Variants in NAV3 observed in about 807,000 individuals in gnomAD.
NAV3 encodes the protein neuron navigator 3, also known as pore membrane and/or filament interacting like protein 1.
Under a neutral mutation model 244.7 loss-of-function variants are expected in NAV3, and 87 were observed. The observed-to-expected ratio is 0.36, with a 90% confidence interval of 0.30 to 0.42. The LOEUF is 0.42. NAV3 is among the 20% of genes least tolerant of loss of function. NAV3 has a pLI of 1.00. For synonymous variants in NAV3, 1,126 were observed against 1,042.2 expected (o/e 1.08, Z -1.55); for missense variants, 2,663 against 2,893.3 (o/e 0.92, Z 1.83).
intron 3 of NAV3, among the ~76,000 whole-genome samples, chr12:77,951,327 C>T (rs370089225): frequency 1.3e-5 from 2 of 152,236 alleles, no homozygotes; most frequent in African/African-American, 2.4e-5. Context: ...AAATGTTCAT[C>T]GTCACTGGCC....
intron 29 of NAV3, among the ~76,000 whole-genome samples, chr12:78,180,340 C>G (rs186593982): frequency 6.6e-6 from 1 of 151,990 alleles, no homozygotes; most frequent in Admixed American, 6.6e-5. Context: ...CATCTAAAGA[C>G]TTTTGTTGTT....
intron 2 of NAV3, among the ~76,000 whole-genome samples, chr12:77,777,618 A>G (rs1488960023): frequency 2.6e-5 from 4 of 152,154 alleles, no homozygotes; most frequent in Non-Finnish European, 4.4e-5. Context: ...GAGATTGACC[A>G]TGGATAACTG....
intron 12 of NAV3, among the ~76,000 whole-genome samples, chr12:78,083,745 C>T (rs918296513): frequency 2.0e-5 from 3 of 152,204 alleles, no homozygotes; most frequent in East Asian, 1.9e-4. Flanking sequence ...TTTTCCAGTT[C>T]GCTTCCTTTC....
intron 7 of NAV3, among the ~76,000 whole-genome samples, chr12:78,002,888 G>C (rs1873547363): frequency 6.6e-6 from 1 of 151,570 alleles, no homozygotes; most frequent in Non-Finnish European, 1.5e-5. Flanking sequence ...AGACTAAATA[G>C]ACTTGGCCAT....
chr12:77,657,864 T>C (rs1182419321), intron 2 of NAV3, among the ~76,000 whole-genome samples: 1 of 152,188 alleles, frequency 6.6e-6, no homozygotes, highest in Non-Finnish European at 1.5e-5. Flanking sequence ...AACCACATGA[T>C]TATCTCACTA....
intron 2 of NAV3, among the ~76,000 whole-genome samples, chr12:77,719,807 C>G (rs1242900316): frequency 6.6e-6 from 1 of 152,066 alleles, no homozygotes; most frequent in African/African-American, 2.4e-5. Context: ...TACTGGCTTC[C>G]TAAAATGAGT....
intron 2 of NAV3, among the ~76,000 whole-genome samples, chr12:77,813,244 C>T (rs1227259099): frequency 6.6e-6 from 1 of 152,126 alleles, no homozygotes; most frequent in African/African-American, 2.4e-5. Flanking sequence ...CTCAGCTCAA[C>T]ATTGATTACT....
intron 2 of NAV3, among the ~76,000 whole-genome samples, chr12:77,755,611 C>CTCCTTCCTTCCT (rs1186550811): frequency 0.035 from 1,343 of 38,214 alleles, 148 homozygotes; most frequent in Middle Eastern, 0.048. Flanking sequence ...CCCTCCCTCC[C>CTCCTTCCTTCCT]TCCTTCCTTC....
intron 1 of NAV3, among the ~76,000 whole-genome samples, chr12:77,846,407 G>A (rs547676436): frequency 9.9e-5 from 15 of 152,258 alleles, no homozygotes; most frequent in African/African-American, 3.6e-4. Flanking sequence ...GGATAAATAC[G>A]AAAATGTTGG....
chr12:77,646,718 A>G (rs990967805), intron 2 of NAV3, among the ~76,000 whole-genome samples: 7 of 152,084 alleles, frequency 4.6e-5, no homozygotes, highest in African/African-American at 1.7e-4. Context: ...GGGGGTGTGC[A>G]GGATAGGAGG....
chr12:77,885,077 T>C (rs1415019174), intron 1 of NAV3, among the ~76,000 whole-genome samples: 1 of 152,156 alleles, frequency 6.6e-6, no homozygotes, highest in Non-Finnish European at 1.5e-5. Context: ...TAGTATATAA[T>C]GTCAAACTTT....
chr12:77,759,609 G>A (rs1869361605), intron 2 of NAV3, among the ~76,000 whole-genome samples: 1 of 152,188 alleles, frequency 6.6e-6, no homozygotes, highest in South Asian at 2.1e-4. Context: ...TGAGAAGTGT[G>A]CTCTATATGG....
intron 1 of NAV3, among the ~76,000 whole-genome samples, chr12:77,834,098 G>C (rs1434234031): frequency 6.6e-6 from 1 of 152,146 alleles, no homozygotes; most frequent in Non-Finnish European, 1.5e-5. Flanking sequence ...GGCACAGAAT[G>C]GGGAGGTGGT....
At position 78,119,510 on chromosome 12, in the gene NAV3, A is replaced by G. The variant is rs2138615360; in HGVS notation, c.3314A>G (p.Lys1105Arg). The G allele has an allele frequency of 6.2e-7, 1 of 1,614,226 alleles. No individual in the cohort carries two copies. Among genetic ancestry groups the G allele is most frequent in the Non-Finnish European group, 8.5e-7 (1 of 1,180,030 alleles). ...KIPKSAAIGG[K>R]SNAGRKTSLD... ...CCAAAATCTGCTGCCATTGGCGGGAAGTCAAATGCAGGGAGAAAAACCAGT... is the reference window on the plus strand; with the variant it reads ...CCAAAATCTGCTGCCATTGGCGGGAGGTCAAATGCAGGGAGAAAAACCAGT... Residue 1105 changes from lysine to arginine, a missense_variant, in exon 15 of 40, where the codon AAG becomes AGG. Lys to Arg is a conservative substitution (Grantham distance 26). This residue lies in a region of NAV3 where 1,521 missense variants were observed against 1,497.0 expected (regional missense o/e 1.02). Coordinates refer to ENST00000397909, the MANE Select transcript of NAV3 (RefSeq NM_001024383.2).
intron 1 of NAV3, among the ~76,000 whole-genome samples, chr12:77,930,378 A>C (rs990805924): frequency 6.6e-6 from 1 of 151,906 alleles, no homozygotes; most frequent in African/African-American, 2.4e-5. Flanking sequence ...TTTTCTATAG[A>C]GCTAATAATT....
At chr12:78,094,118 G>A (rs1450603443) in intron 12 of NAV3, among the ~76,000 whole-genome samples, 1 of 152,174 alleles carries the variant, frequency 6.6e-6, no homozygotes, top group Admixed American at 6.5e-5. Context: ...GGGATTACAG[G>A]CATGCACCAC....
rs376610598 is a variant in NAV3, at chr12:77,613,083, C to T, written c.72+40817C>T. 7.9e-5 allele frequency among the ~76,000 whole-genome samples: 12 copies of T among 152,258 alleles called. No homozygotes were observed. In the South Asian group the frequency reaches 2.5e-3, roughly 32 times the overall value. The stretch of plus-strand genomic sequence containing the variant: ...AAATCTCTTTCCTTTATAAATTACC[C>T]AGTCTTAGGTTTGTCTTTATTAGCA... On this transcript the variant is annotated intron_variant, in intron 2 of 8. Coordinates refer to the NAV3 transcript ENST00000550042.
intron 2 of NAV3, among the ~76,000 whole-genome samples, chr12:77,808,736 G>A (rs886747353): frequency 1.3e-5 from 2 of 152,212 alleles, no homozygotes; most frequent in Non-Finnish European, 2.9e-5. Flanking sequence ...TTCAGAGACG[G>A]CAAGCAGGAA....
intron 1 of NAV3, among the ~76,000 whole-genome samples, chr12:77,902,621 T>C (rs1156607954): frequency 6.6e-6 from 1 of 152,026 alleles, no homozygotes; most frequent in Non-Finnish European, 1.5e-5. Flanking sequence ...CTATTCAACA[T>C]AGTGTTGGAA....
Sources: allele counts gnomAD v4.1 joint callset (sites outside exome capture counted in the v4.1 genomes callset), GRCh38; gene constraint gnomAD v4.1.1; regional missense constraint gnomAD v4.1.1; transcripts MANE v1.5; gene names NCBI Gene and HGNC (gene_info 2026-07-23, HGNC 2026-07-21).